The following CR1 variants were observed in gnomAD, a reference collection of about 807,000 sequenced individuals.
The protein encoded by CR1 is complement C3b/C4b receptor 1 (Knops blood group), also known as complement receptor type 1.
A neutral mutation model predicts 187.3 loss-of-function variants in CR1; 116 were observed. That is an observed-to-expected ratio of 0.62 (90% CI 0.53 to 0.72). The LOEUF (loss-of-function observed/expected upper bound fraction) is 0.72, where lower values mean the gene tolerates loss of function less well. Among genes scored for constraint, CR1 ranks in the 30% least tolerant of loss-of-function variants. The pLI is 0.00. For missense variants in CR1, 1,731 were observed against 2,110.7 expected (o/e 0.82, Z 3.52); for synonymous variants, 576 against 747.1 (o/e 0.77, Z 3.73).
At chr1:207,617,949 C>T in intron 41 of CR1, 122 bp from the exon 42 acceptor site, 1 of 1,035,484 alleles carries the variant, frequency 9.7e-7, no homozygotes, top group Non-Finnish European at 1.4e-6. Flanking sequence ...TGGCTTATGA[C>T]CTGGCTGGTT....
At position 207,603,166 on chromosome 1, in the gene CR1, A is replaced by G. The variant is rs565033039; in HGVS notation, c.5811-4085A>G. Among the ~76,000 whole-genome samples the G allele has an allele frequency of 2.6e-3, 389 of 152,220 alleles. 2 individuals are homozygous for G. Among genetic ancestry groups the G allele is most frequent in the Non-Finnish European group, 4.6e-3 (310 of 68,002 alleles). ...ACCCACCAACAGAATATTCTGAGAT[A>G]ATAACAAGAAGGGTGTTTGATACCA... is the stretch of plus-strand genomic sequence containing the variant. On this transcript the variant is annotated intron_variant, in intron 35 of 46. Transcript: ENST00000367049.
At chr1:207,633,232 T>G (rs1662705466) in intron 46 of CR1, among the ~76,000 whole-genome samples, 1 of 152,190 alleles carries the variant, frequency 6.6e-6, no homozygotes, top group African/African-American at 2.4e-5. Context: ...AAACTCACAT[T>G]TCCTGACTAC....
chr1:207,587,968 T>G (rs1156834178), intron 34 of CR1, among the ~76,000 whole-genome samples: 1 of 152,224 alleles, frequency 6.6e-6, no homozygotes, highest in Non-Finnish European at 1.5e-5. Context: ...TCATCCTTGA[T>G]GGCTGACACC....
chr1:207,511,651 G>T lies in CR1; in HGVS notation c.484G>T (p.Asp162Tyr). 6.2e-7 allele frequency: 1 copy of T among 1,611,888 alleles called. No homozygotes were observed. The highest frequency in any genetic ancestry group is 1.1e-5 in the South Asian group (1 of 91,002). The change falls in exon 4 of 47, where the codon GAC becomes TAC. Residue 162 changes from aspartate (D) to tyrosine (Y), a missense_variant. Physicochemically the swap from Asp to Tyr is radical, Grantham distance 160. Around this residue, in one of 5 missense-constraint regions of CR1, gnomAD observed 237 missense variants for 240.4 expected, o/e 0.99. Coordinates refer to ENST00000367049, the MANE Select transcript of CR1 (RefSeq NM_000651.6). Reference sequence around the variant, plus strand: ...TTGGGATAATGAAACACCTATTTGTGACAGTGAGTTGAAATATCCCTTCCT... The same window carrying T: ...TTGGGATAATGAAACACCTATTTGTTACAGTGAGTTGAAATATCCCTTCCT... ...VIWDNETPICDRIPCGLPPTI... is the reference protein window; with the variant it reads ...VIWDNETPICYRIPCGLPPTI...
intron 28 of CR1, among the ~76,000 whole-genome samples, chr1:207,576,024 C>T (rs1159361580): frequency 6.6e-6 from 1 of 152,212 alleles, no homozygotes; most frequent in Admixed American, 6.5e-5. Flanking sequence ...CCCATATCCT[C>T]TCTGCAAGCT....
At chr1:207,542,730 A>G (rs2102313939) in intron 13 of CR1, 150 bp downstream of exon 13, 4 of 1,372,076 alleles carry the variant, frequency 2.9e-6, no homozygotes, top group Admixed American at 2.4e-5. Context: ...TCAGGTGTGT[A>G]GACATGCACA....
intron 39 of CR1, among the ~76,000 whole-genome samples, chr1:207,612,249 T>G (rs754158295): frequency 6.6e-6 from 1 of 152,232 alleles, no homozygotes; most frequent in Non-Finnish European, 1.5e-5. Context: ...CAGCTCAATG[T>G]CAGGTACAAA....
At chr1:207,616,242 ACT>A (rs1400132868) in intron 40 of CR1, among the ~76,000 whole-genome samples, 2 of 152,268 alleles carry the variant, frequency 1.3e-5, no homozygotes, top group East Asian at 3.9e-4. Context: ...CTCATTGTCA[ACT>A]CAGGAATCTT....
chr1:207,500,532 T>C lies in CR1; in HGVS notation c.121+4144T>C, dbSNP rs560032342. Reference sequence around the variant, plus strand: ...GAATGGAATATCTGAACCAGGAGAATGTGAAAGTGGGCTGAGTCATACAAG... The same window carrying C: ...GAATGGAATATCTGAACCAGGAGAACGTGAAAGTGGGCTGAGTCATACAAG... On this transcript the variant is annotated intron_variant, in intron 1 of 46. Transcript: ENST00000367049. 2.6e-4 allele frequency among the ~76,000 whole-genome samples: 40 copies of C among 152,246 alleles called. 1 individual carries two copies. Among genetic ancestry groups the C allele is most frequent in the African/African-American group, 9.6e-4 (40 of 41,538 alleles).
intron 39 of CR1, among the ~76,000 whole-genome samples, chr1:207,613,528 G>A (rs1662003487): frequency 6.6e-6 from 1 of 152,070 alleles, no homozygotes; most frequent in Non-Finnish European, 1.5e-5. Flanking sequence ...GCTTTAAACT[G>A]TCTTCAGCTT....
chr1:207,633,646 C>T (rs1350119551), intron 46 of CR1, among the ~76,000 whole-genome samples: 1 of 152,168 alleles, frequency 6.6e-6, no homozygotes, highest in Non-Finnish European at 1.5e-5. Context: ...AAATTAACTT[C>T]TGATGAATAG....
intron 1 of CR1, among the ~76,000 whole-genome samples, chr1:207,501,303 G>C (rs539033143): frequency 6.6e-6 from 1 of 152,242 alleles, no homozygotes; most frequent in South Asian, 2.1e-4. Context: ...TGATGGAAAC[G>C]TTTATTGTCT....
chr1:207,581,352 A>ACGTGTC (rs1660945359), intron 31 of CR1, among the ~76,000 whole-genome samples: 1 of 134,662 alleles, frequency 7.4e-6, no homozygotes, highest in South Asian at 2.1e-4. Context: ...GTATACGTAT[A>ACGTGTC]CATGTCCATA....
intron 32 of CR1, among the ~76,000 whole-genome samples, chr1:207,584,326 G>A (rs1204974146): frequency 6.6e-6 from 1 of 152,050 alleles, no homozygotes; most frequent in Non-Finnish European, 1.5e-5. Context: ...TTGAATTAAT[G>A]GATGATTCCC....
Position 207,612,042 on chromosome 1 carries a change from G to A in CR1, c.6575+1G>A, listed in dbSNP as rs766024566. ...AGGTGTCCTTTGTTTGCGATGAAGG[G>A]TGAGTGTGACCCAGCGTTGAGACCA... On this transcript the variant is annotated splice_donor_variant, in intron 39 of 46. Transcript: ENST00000367049. LOFTEE classifies it high-confidence loss of function. 7 of 1,613,844 alleles carry A rather than the reference G, an allele frequency of 4.3e-6. No homozygotes were observed. The highest frequency in any genetic ancestry group is 5.9e-6 in the Non-Finnish European group (7 of 1,179,752).
intron 3 of CR1, among the ~76,000 whole-genome samples, chr1:207,509,580 T>C (rs1465972394): frequency 6.6e-6 from 1 of 152,220 alleles, no homozygotes; most frequent in East Asian, 1.9e-4. Flanking sequence ...TAAAGTTATC[T>C]TTTGACTCAT....
chr1:207,589,156 A>G (rs1383684651), intron 35 of CR1, among the ~76,000 whole-genome samples: 3 of 152,210 alleles, frequency 2.0e-5, no homozygotes, highest in Admixed American at 1.3e-4. Context: ...ACCCTGAAGC[A>G]GAGTTTGGGA....
chr1:207,580,932 G>A (rs1341868701), intron 31 of CR1, among the ~76,000 whole-genome samples: 1 of 152,116 alleles, frequency 6.6e-6, no homozygotes, highest in Non-Finnish European at 1.5e-5. Flanking sequence ...GGAAAGTGTG[G>A]TATGAACCAG....
Position 207,587,435 on chromosome 1 carries a change from A to G in CR1, c.5580A>G (p.Pro1860=), listed in dbSNP as rs1220264153. 1.2e-6 allele frequency: 2 copies of G among 1,613,954 alleles called. No homozygotes were observed. Among genetic ancestry groups the G allele is most frequent in the South Asian group, 2.2e-5 (2 of 91,080 alleles). ...TTCCATTTGCCAGTCCTACGATCCCAATTAATGACTTTGAGTTTCCAGTCG... is the reference window on the plus strand; with the variant it reads ...TTCCATTTGCCAGTCCTACGATCCCGATTAATGACTTTGAGTTTCCAGTCG... ...EQFPFASPTI[P]INDFEFPVGT... is the part of the protein sequence containing the mutation. Residue 1860 remains proline (P), a synonymous_variant, in exon 34 of 47, where the codon CCA becomes CCG. Coordinates refer to ENST00000367049, the MANE Select transcript of CR1 (RefSeq NM_000651.6).
Sources: gnomAD v4.1 joint callset for allele counts (sites outside exome capture counted in the v4.1 genomes callset) on GRCh38, gnomAD v4.1.1 for gene constraint, gnomAD v4.1.1 regional missense constraint, MANE v1.5 for transcripts, NCBI Gene and HGNC (gene_info 2026-07-23, HGNC 2026-07-21) for gene names.